Variants in EMSY observed in about 807,000 individuals in gnomAD.
The protein encoded by EMSY is BRCA2-interacting transcriptional repressor EMSY.
EMSY carries 26 observed loss-of-function variants against 134.6 expected under a neutral mutation model. The observed-to-expected ratio is 0.19, with a 90% CI of 0.14 to 0.27. The LOEUF (loss-of-function observed/expected upper bound fraction) is 0.27, where lower values mean the gene tolerates loss of function less well. Among genes scored for constraint, EMSY ranks in the 10% least tolerant of loss-of-function variants. The pLI, the probability that EMSY is intolerant of heterozygous loss-of-function variation, is 1.00. For missense variants in EMSY, 1,305 were observed against 1,611.4 expected (o/e 0.81, Z 3.26); for synonymous variants, 579 against 577.8 (o/e 1.00, Z -0.03).
intron 20 of EMSY, 55 bp downstream of exon 21, chr11:76,546,352 G>A (rs1951652374): frequency 6.5e-7 from 1 of 1,546,068 alleles, no homozygotes; most frequent in Non-Finnish European, 8.7e-7. Flanking sequence ...TTGTGGGTTT[G>A]TTTGATATGT....
intron 11 of EMSY, among the ~76,000 whole-genome samples, chr11:76,521,526 G>GATCC (rs1307118570): frequency 1.3e-5 from 2 of 152,100 alleles, no homozygotes; most frequent in African/African-American, 4.8e-5. Context: ...AATTTGGGAG[G>GATCC]CTGAAGCAGG....
At chr11:76,446,600 G>C (rs1947422332) in intron 1 of EMSY, among the ~76,000 whole-genome samples, 1 of 152,076 alleles carries the variant, frequency 6.6e-6, no homozygotes. Context: ...TAACAAACTG[G>C]GTGGTATTAC....
chr11:76,549,922 A>G, intron 20 of EMSY, 30 bp from the exon 22 acceptor site: 1 of 1,510,256 alleles, frequency 6.6e-7, no homozygotes. Flanking sequence ...TTTTCTTACC[A>G]TAAAGATTCT....
chr11:76,492,344 C>T (rs912515279), intron 8 of EMSY, among the ~76,000 whole-genome samples: 1 of 152,030 alleles, frequency 6.6e-6, no homozygotes, highest in Non-Finnish European at 1.5e-5. Flanking sequence ...CATGGTGGTG[C>T]GTGCCTCTAA....
intron 14 of EMSY, among the ~76,000 whole-genome samples, chr11:76,532,314 G>A (rs370300181): frequency 1.3e-5 from 2 of 151,498 alleles, no homozygotes; most frequent in African/African-American, 4.8e-5. Context: ...TTAAGCTGCA[G>A]CCTTATAAAC....
In EMSY at chr11:76,523,704, C is replaced by CTTTTTTTTTT. The variant is rs746491659; in HGVS notation, c.1821+425_1821+434dup. On this transcript the variant is annotated intron_variant, in intron 12 of 20. Coordinates refer to ENST00000334736, the Ensembl canonical transcript of EMSY. ...TTAATTGATGGGGATTTGTTACTTT[C>CTTTTTTTTTT]TTTTTTTTTTTTTTTTTTTTTCATT... Among the ~76,000 whole-genome samples the CTTTTTTTTTT allele has an allele frequency of 3.9e-3, 315 of 80,488 alleles. 8 individuals carry two copies. Among genetic ancestry groups the CTTTTTTTTTT allele is most frequent in the East Asian group, 9.9e-3 (26 of 2,638 alleles). The allele number at this position is 80,488 out of a possible 152,430, so 52.8% of individuals were successfully genotyped here.
intron 3 of EMSY, among the ~76,000 whole-genome samples, chr11:76,453,084 T>C (rs1461531673): frequency 6.6e-6 from 1 of 152,244 alleles, no homozygotes; most frequent in Non-Finnish European, 1.5e-5. Context: ...TGTCTTCTTA[T>C]GATTTCTAAT....
At chr11:76,522,781 C>T (rs1950694143) in intron 11 of EMSY, among the ~76,000 whole-genome samples, 1 of 151,942 alleles carries the variant, frequency 6.6e-6, no homozygotes, top group South Asian at 2.1e-4. Context: ...AAGGATTTTC[C>T]CATCACTTCA....
chr11:76,519,890 G>C (rs2136227629), intron 11 of EMSY, among the ~76,000 whole-genome samples: 1 of 152,056 alleles, frequency 6.6e-6, no homozygotes, highest in Non-Finnish European at 1.5e-5. Flanking sequence ...TATATAGGTG[G>C]GTCCTTCTGA....
intron 2 of EMSY, among the ~76,000 whole-genome samples, chr11:76,449,524 C>A (rs533527406): frequency 6.6e-6 from 1 of 152,296 alleles, no homozygotes; most frequent in Non-Finnish European, 1.5e-5. Context: ...GTGTCAACTT[C>A]TTTTTCATTT....
intron 9 of EMSY, among the ~76,000 whole-genome samples, chr11:76,499,624 T>C (rs1041392172): frequency 6.6e-6 from 1 of 152,202 alleles, no homozygotes; most frequent in Middle Eastern, 3.2e-3. Flanking sequence ...TTAGATCATT[T>C]ACATTTAAGG....
At chr11:76,506,083 G>C (rs570911382) in intron 9 of EMSY, among the ~76,000 whole-genome samples, 6 of 152,008 alleles carry the variant, frequency 3.9e-5, no homozygotes, top group African/African-American at 1.4e-4. Flanking sequence ...ATTGCCTGGT[G>C]TACTTAAGCC....
rs747936827 is a variant in EMSY at position 76,544,563 on chromosome 11, C to T, written c.3014C>T (p.Thr1005Ile). The change falls in exon 19 of 21, where the codon ACC becomes ATC. Residue 1005 changes from threonine to isoleucine, a missense_variant. Transcript: ENST00000334736. ...CTTTCCATCAGGCATCAAAAACTCACCCCTCTCCAGCAAGAACAAGCACAG... is the reference window on the plus strand; with the variant it reads ...CTTTCCATCAGGCATCAAAAACTCATCCCTCTCCAGCAAGAACAAGCACAG... 5.0e-6 allele frequency: 8 copies of T among 1,614,010 alleles called. No individual in the cohort carries two copies. The Admixed American group carries it at 5.0e-5, about 10-fold the overall frequency.
At chr11:76,528,173 C>T (rs1398161830) in intron 13 of EMSY, 95 bp from the exon 15 acceptor site, 10 of 1,090,572 alleles carry the variant, frequency 9.2e-6, no homozygotes, top group Non-Finnish European at 1.3e-5. Flanking sequence ...GAATAGTTTC[C>T]ATACCAGGAA....
intron 8 of EMSY, among the ~76,000 whole-genome samples, chr11:76,487,787 C>T (rs1484388880): frequency 6.6e-6 from 1 of 152,200 alleles, no homozygotes; most frequent in African/African-American, 2.4e-5. Flanking sequence ...CCCGAGGTAC[C>T]TCGTTATGCC....
rs916370367 is a variant in EMSY, at chr11:76,509,532, A to G, written c.1364-3854A>G. ...CAAAAACAAACAGACAAACAAAAAAACACACTAGTACTGAGAAGCACAATA... is the reference window on the plus strand; with the variant it reads ...CAAAAACAAACAGACAAACAAAAAAGCACACTAGTACTGAGAAGCACAATA... On this transcript the variant is annotated intron_variant, in intron 9 of 20. Transcript: ENST00000334736. Among the ~76,000 whole-genome samples, 4 of 152,308 alleles carry G rather than the reference A, an allele frequency of 2.6e-5. No individual in the cohort carries two copies. In the South Asian group the frequency reaches 6.2e-4, roughly 24 times the overall value.
intron 9 of EMSY, among the ~76,000 whole-genome samples, chr11:76,509,580 G>A (rs1469625380): frequency 1.3e-5 from 2 of 152,140 alleles, no homozygotes; most frequent in East Asian, 1.9e-4. Context: ...ATAAAACAAG[G>A]TATACCTGTA....
At chr11:76,524,191 A>C (rs570783840) in intron 12 of EMSY, among the ~76,000 whole-genome samples, 1 of 152,298 alleles carries the variant, frequency 6.6e-6, no homozygotes, top group East Asian at 1.9e-4. Context: ...AACCTCTCTC[A>C]TTCTTAATTT....
chr11:76,493,805 A>G (rs1949518994), intron 8 of EMSY, among the ~76,000 whole-genome samples: 1 of 152,188 alleles, frequency 6.6e-6, no homozygotes, highest in Non-Finnish European at 1.5e-5. Flanking sequence ...TGGATGCGAG[A>G]CAAGAACTGG....
Sources: allele counts gnomAD v4.1 joint callset (sites outside exome capture counted in the v4.1 genomes callset), GRCh38; gene constraint gnomAD v4.1.1; transcripts MANE v1.5; gene names NCBI Gene and HGNC (gene_info 2026-07-23, HGNC 2026-07-21).